The following TRERF1 variants were observed in gnomAD, a reference collection of about 807,000 sequenced individuals.
TRERF1 encodes transcriptional-regulating factor 1.
TRERF1 carries 27 observed loss-of-function variants against 122.9 expected under a neutral mutation model. That is an observed-to-expected ratio of 0.22 (90% CI 0.16 to 0.30). The LOEUF (loss-of-function observed/expected upper bound fraction) is 0.30. Ranked by LOEUF, TRERF1 falls within the 10% of genes least tolerant of loss-of-function variation. TRERF1 has a pLI of 1.00. For missense variants in TRERF1, 1,248 were observed against 1,560.3 expected, an observed-to-expected ratio of 0.80 and a Z score of 3.37; for synonymous variants, 636 against 641.7, an observed-to-expected ratio of 0.99 and a Z score of 0.13.
intron 3 of TRERF1, among the ~76,000 whole-genome samples, chr6:42,342,661 A>G (rs1351370125): frequency 6.6e-6 from 1 of 152,244 alleles, no homozygotes; most frequent in East Asian, 1.9e-4. Flanking sequence ...AGTGTTATCC[A>G]CAAGTGGCTA....
chr6:42,393,343 T>C lies in TRERF1; in HGVS notation c.-453-30264A>G, dbSNP rs544522364. On this transcript the variant is annotated intron_variant, in intron 2 of 17. Coordinates refer to ENST00000372922, the Ensembl canonical transcript of TRERF1. The surrounding 1 kb of genome is among the most constrained non-coding windows in gnomAD (Gnocchi z 4.1). ...ACTGTCATTCTGCAAGTGAGTGACA[T>C]TGTCAGGGCTTGAACCAGTATCTTC... Among the ~76,000 whole-genome samples the C allele has an allele frequency of 6.6e-6, 1 of 152,332 alleles. No homozygotes were observed. Among genetic ancestry groups the C allele is most frequent in the South Asian group, 2.1e-4 (1 of 4,828 alleles).
intron 3 of TRERF1, among the ~76,000 whole-genome samples, chr6:42,337,820 T>G (rs1006309523): frequency 2.6e-5 from 4 of 152,190 alleles, no homozygotes; most frequent in African/African-American, 9.7e-5. Context: ...CACAGGCTGA[T>G]GCCCAGGCCC....
intron 2 of TRERF1, among the ~76,000 whole-genome samples, chr6:42,438,648 C>A (rs922487620): frequency 6.6e-6 from 1 of 151,828 alleles, no homozygotes; most frequent in East Asian, 1.9e-4. Context: ...AAGAAAATAA[C>A]CCCCTTGTGC....
intron 2 of TRERF1, among the ~76,000 whole-genome samples, chr6:42,404,740 C>A (rs1406759743): frequency 6.6e-6 from 1 of 152,140 alleles, no homozygotes; most frequent in Non-Finnish European, 1.5e-5. Flanking sequence ...CCTATCAGAG[C>A]TAAGCAAGTG....
chr6:42,290,735 TCTTTC>T (rs1784154141), intron 4 of TRERF1, among the ~76,000 whole-genome samples: 1 of 144,856 alleles, frequency 6.9e-6, no homozygotes, highest in Non-Finnish European at 1.5e-5. Context: ...TTTTTCCATT[TCTTTC>T]CTTTTTTTTT....
At chr6:42,361,036 G>T (rs1261130112) in intron 3 of TRERF1, among the ~76,000 whole-genome samples, 2 of 152,118 alleles carry the variant, frequency 1.3e-5, no homozygotes, top group Non-Finnish European at 2.9e-5. Context: ...GTCTCTCCCA[G>T]ATTCATGTGT....
chr6:42,295,529 C>G (rs909094154), intron 4 of TRERF1, among the ~76,000 whole-genome samples: 1 of 152,150 alleles, frequency 6.6e-6, no homozygotes. Flanking sequence ...ACTTCTACAC[C>G]CAGGATGCAT....
chr6:42,360,789 A>C (rs1028739049), intron 3 of TRERF1, among the ~76,000 whole-genome samples: 1 of 146,666 alleles, frequency 6.8e-6, no homozygotes, highest in East Asian at 2.0e-4. Flanking sequence ...AAAAAAAAAA[A>C]AAAAAAAAAA....
chr6:42,256,130 TAAAA>T (rs11376682), intron 12 of TRERF1, among the ~76,000 whole-genome samples: 3 of 112,636 alleles, frequency 2.7e-5, no homozygotes, highest in Non-Finnish European at 5.3e-5. Context: ...GACTCCATCT[TAAAA>T]AAAAAAAAAA....
Position 42,300,223 on chromosome 6 carries a change from C to G in TRERF1, c.-259+415G>C, listed in dbSNP as rs148347217. Reference sequence around the variant, plus strand: ...AACTGGCCTGACTGATCATCTAAGGCCCCTTATGACTCTGTGTGGGACAGA... The same window carrying G: ...AACTGGCCTGACTGATCATCTAAGGGCCCTTATGACTCTGTGTGGGACAGA... On this transcript the variant is annotated intron_variant, in intron 4 of 17. Coordinates refer to ENST00000372922, the Ensembl canonical transcript of TRERF1. Among the ~76,000 whole-genome samples, 1,202 of 152,318 alleles carry G rather than the reference C, an allele frequency of 7.9e-3. 4 individuals carry two copies. Among genetic ancestry groups the G allele is most frequent in the Non-Finnish European group, 0.013 (891 of 68,016 alleles).
intron 3 of TRERF1, among the ~76,000 whole-genome samples, chr6:42,304,884 C>T (rs981348727): frequency 2.6e-5 from 4 of 152,210 alleles, no homozygotes; most frequent in African/African-American, 9.6e-5. Context: ...GAGCTGAGGG[C>T]CTGAAGCCAG....
intron 3 of TRERF1, among the ~76,000 whole-genome samples, chr6:42,321,855 C>T (rs1763517200): frequency 6.6e-6 from 1 of 152,144 alleles, no homozygotes; most frequent in Admixed American, 6.5e-5. Context: ...CAAGTATGTC[C>T]AATGGTGGAT....
chr6:42,416,698 A>G (rs1356487953), intron 2 of TRERF1, among the ~76,000 whole-genome samples: 1 of 152,174 alleles, frequency 6.6e-6, no homozygotes, highest in Non-Finnish European at 1.5e-5. Context: ...CATAAAAAGA[A>G]TTTAAGCGCT....
At chr6:42,352,787 T>C (rs546777183) in intron 3 of TRERF1, among the ~76,000 whole-genome samples, 9 of 152,218 alleles carry the variant, frequency 5.9e-5, no homozygotes, top group Admixed American at 2.0e-4. Flanking sequence ...AAATGATATA[T>C]AAAAAGATTT....
At chr6:42,255,858 C>T (rs1013864432) in intron 12 of TRERF1, among the ~76,000 whole-genome samples, 2 of 152,046 alleles carry the variant, frequency 1.3e-5, no homozygotes, top group African/African-American at 4.8e-5. Context: ...AGGCTGGGTG[C>T]GGTGGTCCAT....
At chr6:42,300,402 T>C (rs1228756105) in intron 4 of TRERF1, among the ~76,000 whole-genome samples, 1 of 152,184 alleles carries the variant, frequency 6.6e-6, no homozygotes, top group African/African-American at 2.4e-5. Context: ...GGTGGAAGAA[T>C]AATAAGAGCT....
intron 6 of TRERF1, 33 bp downstream of exon 6, chr6:42,265,717 TC>T (rs1779023937): frequency 3.7e-6 from 6 of 1,607,670 alleles, no homozygotes; most frequent in Non-Finnish European, 5.1e-6. Context: ...CCTCCCCGTC[TC>T]CCAAAATACC....
At chr6:42,334,825 C>G (rs1014219790) in intron 3 of TRERF1, among the ~76,000 whole-genome samples, 6 of 152,194 alleles carry the variant, frequency 3.9e-5, no homozygotes, top group African/African-American at 1.2e-4. Context: ...GGCAGAGCAC[C>G]AAGGAGCCCC....
chr6:42,430,887 T>C (rs1784391997), intron 2 of TRERF1, among the ~76,000 whole-genome samples: 2 of 107,848 alleles, frequency 1.9e-5, no homozygotes, highest in South Asian at 3.5e-4. Context: ...AGAGCAAGAC[T>C]CCATCTCAAA....
Sources: allele counts gnomAD v4.1 joint callset (sites outside exome capture counted in the v4.1 genomes callset), GRCh38; gene constraint gnomAD v4.1.1; non-coding constraint Gnocchi (gnomAD v3.1); transcripts MANE v1.5; gene names NCBI Gene and HGNC (gene_info 2026-07-23, HGNC 2026-07-21).